Variants in INPP4A observed in about 807,000 individuals in gnomAD.
INPP4A encodes the protein inositol polyphosphate-4-phosphatase type I A.
INPP4A carries 33 observed loss-of-function variants against 119.8 expected under a neutral mutation model. The ratio of observed to expected loss-of-function variants is 0.28; its 90% confidence interval spans 0.21 to 0.37. INPP4A has a LOEUF of 0.37. Ranked by LOEUF, INPP4A falls within the 10% of genes least tolerant of loss-of-function variation. The pLI, the probability that INPP4A is intolerant of heterozygous loss-of-function variation, is 1.00. For synonymous variants in INPP4A, 496 were observed against 500.7 expected, an observed-to-expected ratio of 0.99 and a Z score of 0.12; for missense variants, 956 against 1,289.9, an observed-to-expected ratio of 0.74 and a Z score of 3.97.
At position 98,538,894 on chromosome 2, in the gene INPP4A, G is replaced by T; in HGVS notation, c.583G>T (p.Val195Phe). ...RSVDTVNGRM[V>F]LPVDESLTEA... ...GCATTTCCTTATACATTATCAGATG[G>T]TTCTTCCTGTCGATGAGAGCTTGAC... Residue 195 changes from valine to phenylalanine, a missense_variant, in exon 9 of 25, where the codon GTT (valine) becomes TTT (phenylalanine). By Grantham distance (50) the Val-to-Phe change is conservative. Transcript: ENST00000409851. 1 of 1,594,760 alleles carries T rather than the reference G, an allele frequency of 6.3e-7. No homozygotes were observed. Among genetic ancestry groups the T allele is most frequent in the Non-Finnish European group, 8.6e-7 (1 of 1,163,546 alleles).
chr2:98,566,705 C>A lies in INPP4A; in HGVS notation c.2420+536C>A, dbSNP rs1696516501. Among the ~76,000 whole-genome samples the A allele has an allele frequency of 1.3e-5, 2 of 152,148 alleles. No homozygotes were observed. The highest frequency in any genetic ancestry group is 4.1e-4 in the South Asian group (2 of 4,826). ...CATGCCTGAACCTAAAGGCAACTGCCCTCCAGGGTCACTTGCCACACTGCA... is the reference window on the plus strand; with the variant it reads ...CATGCCTGAACCTAAAGGCAACTGCACTCCAGGGTCACTTGCCACACTGCA... On this transcript the variant is annotated intron_variant, in intron 21 of 24. Transcript: ENST00000409851. The surrounding 1 kb of genome is among the most constrained non-coding windows in gnomAD (Gnocchi z 4.2).
At chr2:98,529,306 T>G (rs1380294874) in intron 4 of INPP4A, among the ~76,000 whole-genome samples, 6 of 152,120 alleles carry the variant, frequency 3.9e-5, no homozygotes, top group Non-Finnish European at 8.8e-5. Flanking sequence ...GACAAATCTA[T>G]ATAGATAGAA....
At chr2:98,491,609 C>G (rs1357506144) in intron 1 of INPP4A, among the ~76,000 whole-genome samples, 1 of 152,132 alleles carries the variant, frequency 6.6e-6, no homozygotes, top group Non-Finnish European at 1.5e-5. Flanking sequence ...GATCTGCAGT[C>G]CTGTGCATCC....
At chr2:98,468,100 A>T (rs1558889091) in intron 1 of INPP4A, among the ~76,000 whole-genome samples, 4 of 151,920 alleles carry the variant, frequency 2.6e-5, no homozygotes, top group African/African-American at 9.7e-5. Context: ...ACTCAGTGAG[A>T]CCATGAACTA....
intron 1 of INPP4A, among the ~76,000 whole-genome samples, chr2:98,469,071 G>A (rs1474710360): frequency 6.6e-6 from 1 of 152,208 alleles, no homozygotes; most frequent in Non-Finnish European, 1.5e-5. Flanking sequence ...GAAAAACATG[G>A]CAGCCTGCCC....
intron 1 of INPP4A, among the ~76,000 whole-genome samples, chr2:98,486,112 A>G (rs960164425): frequency 6.6e-6 from 1 of 152,208 alleles, no homozygotes; most frequent in African/African-American, 2.4e-5. Flanking sequence ...TCTCCTCTCT[A>G]TAATGGAAAG....
At chr2:98,553,977 C>T (rs1297967832) in intron 14 of INPP4A, among the ~76,000 whole-genome samples, 2 of 152,220 alleles carry the variant, frequency 1.3e-5, no homozygotes, top group Admixed American at 6.5e-5. Context: ...GCAGGCCCCT[C>T]CCCTAGCAAT....
chr2:98,583,731 A>C (rs1341336878), intron 24 of INPP4A, among the ~76,000 whole-genome samples: 2 of 152,154 alleles, frequency 1.3e-5, no homozygotes, highest in Non-Finnish European at 2.9e-5. Flanking sequence ...CCAGAAACCC[A>C]GTCGACCACA....
intron 24 of INPP4A, chr2:98,581,548 T>TTTCTCCCAAACTTTTTCC: frequency 6.7e-7 from 1 of 1,494,558 alleles, no homozygotes; most frequent in Non-Finnish European, 8.8e-7. Context: ...TTCCTTTTTC[T>TTTCTCCCAAACTTTTTCC]TTCTCCCAAA....
At chr2:98,575,008 C>T (rs1166622691) in intron 23 of INPP4A, among the ~76,000 whole-genome samples, 1 of 152,200 alleles carries the variant, frequency 6.6e-6, no homozygotes, top group African/African-American at 2.4e-5. Context: ...GAATCCCAGG[C>T]ATCCCCTGGG....
At chr2:98,577,208 GTACCCTGCTCCTGCCTGCAGGGCC>G in intron 24 of INPP4A, 65 bp downstream of exon 24, 1 of 1,478,842 alleles carries the variant, frequency 6.8e-7, no homozygotes, top group South Asian at 1.3e-5. Context: ...AGATGAGCTG[GTACCCTGCTCCTGCCTGCAGGGCC>G]TACCCTGCAT....
chr2:98,472,289 T>C (rs1039427422), intron 1 of INPP4A, among the ~76,000 whole-genome samples: 1 of 152,186 alleles, frequency 6.6e-6, no homozygotes, highest in Non-Finnish European at 1.5e-5. Flanking sequence ...CCAGCCCTGC[T>C]CCTGGGAGTT....
chr2:98,535,606 T>C (rs1690103870), intron 5 of INPP4A, 123 bp from the exon 6 acceptor site: 1 of 623,942 alleles, frequency 1.6e-6, no homozygotes, highest in Admixed American at 3.3e-5. Flanking sequence ...GCCTTTAGCA[T>C]TTGTGTTGAT....
chr2:98,543,735 A>G, intron 10 of INPP4A, 142 bp from the exon 11 acceptor site: 5 of 1,006,596 alleles, frequency 5.0e-6, no homozygotes, highest in Non-Finnish European at 7.2e-6. Context: ...CCCTTTAGAC[A>G]GGCAGTGTAA....
chr2:98,482,119 T>C (rs1028361092), intron 1 of INPP4A, among the ~76,000 whole-genome samples: 1 of 152,258 alleles, frequency 6.6e-6, no homozygotes, highest in Non-Finnish European at 1.5e-5. Flanking sequence ...AAAATAAATA[T>C]AATTTTTTAA....
intron 1 of INPP4A, among the ~76,000 whole-genome samples, chr2:98,490,914 T>G (rs550053697): frequency 6.6e-6 from 1 of 152,348 alleles, no homozygotes; most frequent in South Asian, 2.1e-4. Flanking sequence ...CTTTCTGCTT[T>G]GAAAACAAAA....
chr2:98,505,799 A>G (rs1683933058), intron 1 of INPP4A, among the ~76,000 whole-genome samples: 2 of 152,172 alleles, frequency 1.3e-5, no homozygotes, highest in Non-Finnish European at 2.9e-5. Flanking sequence ...TTTCTGTACA[A>G]TATTTATAGA....
At chr2:98,460,099 T>C (rs763409183) in intron 1 of INPP4A, among the ~76,000 whole-genome samples, 16 of 126,054 alleles carry the variant, frequency 1.3e-4, no homozygotes, top group Non-Finnish European at 2.2e-4. Context: ...GGTTTGGTCA[T>C]CGTGTGTGTG....
intron 10 of INPP4A, among the ~76,000 whole-genome samples, chr2:98,539,900 TG>T (rs1691079900): frequency 6.6e-6 from 1 of 152,186 alleles, no homozygotes; most frequent in South Asian, 2.1e-4. Context: ...AACCCAGATG[TG>T]TGCCCCACAC....
Sources: allele counts gnomAD v4.1 joint callset (sites outside exome capture counted in the v4.1 genomes callset), GRCh38; gene constraint gnomAD v4.1.1; non-coding constraint Gnocchi (gnomAD v3.1); transcripts MANE v1.5; gene names NCBI Gene and HGNC (gene_info 2026-07-23, HGNC 2026-07-21).